Variants in PTPRM observed in about 807,000 individuals in gnomAD.
PTPRM encodes protein tyrosine phosphatase receptor type M.
PTPRM carries 47 observed loss-of-function variants against 186.7 expected under a neutral mutation model. The ratio of observed to expected loss-of-function variants is 0.25; its 90% CI spans 0.20 to 0.32. The LOEUF is 0.32. PTPRM is among the 10% of genes least tolerant of loss of function. The pLI is 1.00. For missense variants in PTPRM, 1,494 were observed against 1,865.0 expected (o/e 0.80, Z 3.66); for synonymous variants, 668 against 674.9 (o/e 0.99, Z 0.16).
At position 7,842,947 on chromosome 18, in the gene PTPRM, T is replaced by TAGAGAG. The variant is rs1555616950; in HGVS notation, c.197-45131_197-45126dup. Among the ~76,000 whole-genome samples the TAGAGAG allele has an allele frequency of 3.6e-3, 405 of 112,102 alleles. 3 individuals are homozygous for TAGAGAG. The highest frequency in any genetic ancestry group is 0.024 in the East Asian group (78 of 3,212). The allele number at this position is 112,102 out of a possible 152,430, so 73.5% of individuals were successfully genotyped here. On this transcript the variant is annotated intron_variant, in intron 2 of 32. Transcript: ENST00000580170. The stretch of plus-strand genomic sequence containing the variant: ...GTGTGTGTGTATATATATATATATA[T>TAGAGAG]AGAGAGAGAGAGAGAGAGAGAGAGA...
At chr18:8,097,796 C>G (rs1159015472) in intron 11 of PTPRM, among the ~76,000 whole-genome samples, 3 of 152,090 alleles carry the variant, frequency 2.0e-5, no homozygotes, top group Admixed American at 2.0e-4. Context: ...GTTAAAGAGA[C>G]CTAAACAGTG....
intron 7 of PTPRM, among the ~76,000 whole-genome samples, chr18:8,053,218 C>A (rs901119139): frequency 6.6e-6 from 1 of 152,044 alleles, no homozygotes; most frequent in Admixed American, 6.6e-5. Context: ...TTTCACTTTC[C>A]TTATGATACA....
At chr18:8,390,543 G>A (rs939150162) in intron 31 of PTPRM, among the ~76,000 whole-genome samples, 1 of 152,156 alleles carries the variant, frequency 6.6e-6, no homozygotes, top group Non-Finnish European at 1.5e-5. Context: ...CCACAATGTC[G>A]AAGAACTGCT....
At chr18:8,359,209 A>G (rs2095581933) in intron 23 of PTPRM, among the ~76,000 whole-genome samples, 1 of 152,214 alleles carries the variant, frequency 6.6e-6, no homozygotes, top group Non-Finnish European at 1.5e-5. Context: ...TGTGTCAGCC[A>G]TCTCTCATGC....
At chr18:8,039,394 T>C (rs2086549768) in intron 7 of PTPRM, among the ~76,000 whole-genome samples, 1 of 152,136 alleles carries the variant, frequency 6.6e-6, no homozygotes, top group Non-Finnish European at 1.5e-5. Context: ...GCTTTTATAC[T>C]TGTTTTTCTT....
At chr18:8,206,079 G>A (rs1416693072) in intron 14 of PTPRM, among the ~76,000 whole-genome samples, 1 of 152,010 alleles carries the variant, frequency 6.6e-6, no homozygotes, top group Non-Finnish European at 1.5e-5. Flanking sequence ...TTGGAGTTGA[G>A]CGAAAAGAGA....
chr18:7,830,111 G>T (rs889457197), intron 2 of PTPRM, among the ~76,000 whole-genome samples: 3 of 152,138 alleles, frequency 2.0e-5, no homozygotes, highest in African/African-American at 7.2e-5. Context: ...ATAACAGAAT[G>T]TAGTAATGTA....
intron 19 of PTPRM, among the ~76,000 whole-genome samples, chr18:8,271,018 C>A (rs1266785827): frequency 6.6e-6 from 1 of 152,050 alleles, no homozygotes; most frequent in African/African-American, 2.4e-5. Flanking sequence ...ACCACACACA[C>A]AAAAGTAACT....
At chr18:7,587,211 CA>C (rs1228236765) in intron 1 of PTPRM, among the ~76,000 whole-genome samples, 2 of 152,120 alleles carry the variant, frequency 1.3e-5, no homozygotes, top group Non-Finnish European at 2.9e-5. Context: ...TTTCAGAAAT[CA>C]ACTGGGCTTT....
chr18:8,313,352 A>C (rs1326945737), intron 20 of PTPRM, among the ~76,000 whole-genome samples: 1 of 152,206 alleles, frequency 6.6e-6, no homozygotes, highest in African/African-American at 2.4e-5. Context: ...CATACACTTT[A>C]ATTGGAAGGA....
intron 1 of PTPRM, among the ~76,000 whole-genome samples, chr18:7,742,552 C>T (rs2040904183): frequency 6.6e-6 from 1 of 152,164 alleles, no homozygotes; most frequent in African/African-American, 2.4e-5. Context: ...TTTTAAGGAA[C>T]TCCTATCTGG....
intron 1 of PTPRM, among the ~76,000 whole-genome samples, chr18:7,734,651 AG>A (rs1481030716): frequency 6.6e-6 from 1 of 152,230 alleles, no homozygotes; most frequent in East Asian, 1.9e-4. Context: ...AATTAAAAGA[AG>A]GGAGCAAATG....
At chr18:7,895,155 C>G (rs2049287130) in intron 3 of PTPRM, among the ~76,000 whole-genome samples, 1 of 151,660 alleles carries the variant, frequency 6.6e-6, no homozygotes, top group African/African-American at 2.4e-5. Context: ...CTGATTTAAA[C>G]TTTATGAGCC....
intron 14 of PTPRM, among the ~76,000 whole-genome samples, chr18:8,163,003 A>G (rs1199474493): frequency 6.6e-6 from 1 of 152,166 alleles, no homozygotes; most frequent in Non-Finnish European, 1.5e-5. Flanking sequence ...ACCTGCCCTC[A>G]GCCAGCTCTA....
intron 9 of PTPRM, among the ~76,000 whole-genome samples, chr18:8,083,668 T>C (rs573505276): frequency 6.6e-6 from 1 of 152,280 alleles, no homozygotes; most frequent in Non-Finnish European, 1.5e-5. Flanking sequence ...AAACAGGGCG[T>C]GTATTTACCT....
intron 1 of PTPRM, among the ~76,000 whole-genome samples, chr18:7,649,944 T>A (rs181211406): frequency 1.1e-4 from 17 of 152,156 alleles, no homozygotes; most frequent in African/African-American, 3.9e-4. Context: ...TACATTTTTT[T>A]AAAGACATAA....
chr18:8,123,749 A>G (rs2092254487), intron 13 of PTPRM, among the ~76,000 whole-genome samples: 1 of 152,098 alleles, frequency 6.6e-6, no homozygotes, highest in Admixed American at 6.6e-5. Flanking sequence ...GGCCTGTGGC[A>G]CTCTGTGTAG....
chr18:8,397,849 A>G (rs1367100394), intron 32 of PTPRM, among the ~76,000 whole-genome samples: 1 of 152,180 alleles, frequency 6.6e-6, no homozygotes, highest in Non-Finnish European at 1.5e-5. Context: ...TCAAGGGCAG[A>G]TCTTGCCTAG....
intron 4 of PTPRM, among the ~76,000 whole-genome samples, chr18:7,914,711 A>T (rs927387270): frequency 1.3e-5 from 2 of 152,142 alleles, no homozygotes; most frequent in African/African-American, 4.8e-5. Flanking sequence ...TTGATATGCT[A>T]GATGGGGAAG....
Sources: allele counts gnomAD v4.1 joint callset (sites outside exome capture counted in the v4.1 genomes callset), GRCh38; gene constraint gnomAD v4.1.1; transcripts MANE v1.5; gene names NCBI Gene and HGNC (gene_info 2026-07-23, HGNC 2026-07-21).